Variants in PIP4K2A observed in about 807,000 individuals in gnomAD.
The protein encoded by PIP4K2A is phosphatidylinositol 5-phosphate 4-kinase type-2 alpha.
PIP4K2A carries 14 observed loss-of-function variants against 42.9 expected under a neutral mutation model. That is an observed-to-expected ratio of 0.33 (90% CI 0.22 to 0.51). The LOEUF (loss-of-function observed/expected upper bound fraction) is 0.51. Ranked by LOEUF, PIP4K2A falls within the 20% of genes least tolerant of loss-of-function variation. PIP4K2A has a pLI of 0.97. For synonymous variants in PIP4K2A, 192 were observed against 192.2 expected (o/e 1.00, Z 0.01); for missense variants, 434 against 519.8 (o/e 0.83, Z 1.61).
intron 1 of PIP4K2A, among the ~76,000 whole-genome samples, chr10:22,713,045 C>G (rs2130935469): frequency 6.6e-6 from 1 of 152,204 alleles, no homozygotes; most frequent in African/African-American, 2.4e-5. Context: ...GGAAAGCGAA[C>G]TTACACTTTT....
intron 5 of PIP4K2A, chr10:22,569,200 G>A (rs1265464578): frequency 1.5e-6 from 1 of 660,716 alleles, no homozygotes; most frequent in Non-Finnish European, 2.7e-6. Context: ...GACCAGGCTG[G>A]GGGGGTCTCC....
chr10:22,588,314 G>A (rs778731880), intron 4 of PIP4K2A, among the ~76,000 whole-genome samples: 5 of 152,090 alleles, frequency 3.3e-5, no homozygotes, highest in African/African-American at 9.7e-5. Flanking sequence ...TAACATTCTT[G>A]TATGTTTCTC....
intron 3 of PIP4K2A, among the ~76,000 whole-genome samples, chr10:22,598,134 G>T (rs553983641): frequency 1.3e-5 from 2 of 152,324 alleles, no homozygotes; most frequent in South Asian, 4.1e-4. Context: ...GAGGTGGGAA[G>T]ATCACTTGAG....
At chr10:22,633,807 C>T (rs1165984569) in intron 1 of PIP4K2A, among the ~76,000 whole-genome samples, 1 of 152,168 alleles carries the variant, frequency 6.6e-6, no homozygotes, top group Non-Finnish European at 1.5e-5. Flanking sequence ...AGTATGGAGG[C>T]AACTGGGCAT....
intron 1 of PIP4K2A, among the ~76,000 whole-genome samples, chr10:22,617,744 C>T (rs2130731189): frequency 6.6e-6 from 1 of 152,100 alleles, no homozygotes; most frequent in African/African-American, 2.4e-5. Flanking sequence ...GGAGCTATTT[C>T]ATGGCAGCAT....
intron 1 of PIP4K2A, among the ~76,000 whole-genome samples, chr10:22,669,689 C>T (rs1239040940): frequency 6.6e-6 from 1 of 152,192 alleles, no homozygotes; most frequent in African/African-American, 2.4e-5. Context: ...ATGCAGGATA[C>T]AGACGGTCTG....
chr10:22,701,461 C>T (rs1260451958), intron 1 of PIP4K2A, among the ~76,000 whole-genome samples: 3 of 152,190 alleles, frequency 2.0e-5, no homozygotes, highest in Non-Finnish European at 2.9e-5. Flanking sequence ...TCTGTTACCC[C>T]TGCCCAAGCT....
At chr10:22,706,151 C>G (rs1833819322) in intron 1 of PIP4K2A, among the ~76,000 whole-genome samples, 1 of 152,076 alleles carries the variant, frequency 6.6e-6, no homozygotes, top group Non-Finnish European at 1.5e-5. Context: ...ATTATGGGTA[C>G]AATTCAAGAT....
At chr10:22,666,202 A>G (rs1564461003) in intron 1 of PIP4K2A, among the ~76,000 whole-genome samples, 1 of 152,218 alleles carries the variant, frequency 6.6e-6, no homozygotes. Context: ...ACATAGGGAA[A>G]CACAGAAAAG....
At chr10:22,684,043 A>G (rs946455993) in intron 1 of PIP4K2A, among the ~76,000 whole-genome samples, 1 of 152,118 alleles carries the variant, frequency 6.6e-6, no homozygotes, top group Non-Finnish European at 1.5e-5. Context: ...CCTGGAGCCC[A>G]TTACTTTGTG....
chr10:22,668,205 C>G (rs942517604), intron 1 of PIP4K2A, among the ~76,000 whole-genome samples: 1 of 152,176 alleles, frequency 6.6e-6, no homozygotes, highest in African/African-American at 2.4e-5. Flanking sequence ...CTGCCTTGGC[C>G]TCCCAAAGTG....
chr10:22,663,856 C>T (rs1839255728), intron 1 of PIP4K2A, among the ~76,000 whole-genome samples: 1 of 151,142 alleles, frequency 6.6e-6, no homozygotes, highest in South Asian at 2.1e-4. Context: ...TGTGCATTCA[C>T]AATTTTCCCC....
At chr10:22,643,268 C>G (rs949425616) in intron 1 of PIP4K2A, among the ~76,000 whole-genome samples, 2 of 152,124 alleles carry the variant, frequency 1.3e-5, no homozygotes, top group African/African-American at 4.8e-5. Flanking sequence ...CCGCTGGCTG[C>G]TTTTGTCAAT....
chr10:22,557,622 G>A (rs1164009425), intron 6 of PIP4K2A, among the ~76,000 whole-genome samples: 2 of 152,088 alleles, frequency 1.3e-5, no homozygotes, highest in Admixed American at 6.5e-5. Context: ...TTATTTTAGT[G>A]AGATTTTAAA....
chr10:22,573,099 T>C (rs1257038646), intron 5 of PIP4K2A, among the ~76,000 whole-genome samples: 1 of 152,222 alleles, frequency 6.6e-6, no homozygotes, highest in Non-Finnish European at 1.5e-5. Context: ...TGGCTGAATA[T>C]TTAAGTAGAT....
At chr10:22,668,092 T>C (rs991410305) in intron 1 of PIP4K2A, among the ~76,000 whole-genome samples, 14 of 152,050 alleles carry the variant, frequency 9.2e-5, no homozygotes, top group Admixed American at 3.9e-4. Flanking sequence ...GCTGGGACTA[T>C]AGGCGCGTGC....
intron 4 of PIP4K2A, among the ~76,000 whole-genome samples, chr10:22,587,650 G>C (rs1288365228): frequency 6.6e-6 from 1 of 152,118 alleles, no homozygotes; most frequent in African/African-American, 2.4e-5. Context: ...AATCACATGA[G>C]GACATGCCAG....
intron 6 of PIP4K2A, among the ~76,000 whole-genome samples, chr10:22,551,670 G>A (rs1419085946): frequency 6.6e-6 from 1 of 152,190 alleles, no homozygotes; most frequent in Non-Finnish European, 1.5e-5. Context: ...ACCATAGCTT[G>A]TTTATTTCAG....
chr10:22,625,869 G>A (rs1838425479), intron 1 of PIP4K2A, among the ~76,000 whole-genome samples: 1 of 152,192 alleles, frequency 6.6e-6, no homozygotes, highest in African/African-American at 2.4e-5. Flanking sequence ...GAACAGAAGA[G>A]AAATAAAGTT....
Sources: gnomAD v4.1 joint callset for allele counts (sites outside exome capture counted in the v4.1 genomes callset) on GRCh38, gnomAD v4.1.1 for gene constraint, MANE v1.5 for transcripts, NCBI Gene and HGNC (gene_info 2026-07-23, HGNC 2026-07-21) for gene names.